PLEKHH2: variants seen among roughly 807,000 people sequenced by gnomAD.
PLEKHH2 encodes the protein pleckstrin homology domain-containing family H member 2.
Under a neutral mutation model 187.9 loss-of-function variants are expected in PLEKHH2, and 129 were observed. The ratio of observed to expected loss-of-function variants is 0.69; its 90% CI spans 0.59 to 0.79. The LOEUF (loss-of-function observed/expected upper bound fraction) is 0.79. Ranked by LOEUF, PLEKHH2 falls within the 30% of genes least tolerant of loss-of-function variation. The pLI is 0.00. For missense variants in PLEKHH2, 2,076 were observed against 1,751.2 expected (o/e 1.19, Z -3.31); for synonymous variants, 686 against 605.6 (o/e 1.13, Z -1.95).
intron 16 of PLEKHH2, among the ~76,000 whole-genome samples, chr2:43,723,706 T>A (rs1378999383): frequency 1.3e-5 from 2 of 152,214 alleles, no homozygotes; most frequent in Non-Finnish European, 2.9e-5. Context: ...AAAATAACCC[T>A]TATGCCAAAG....
chr2:43,761,556 G>A (rs1000788694), intron 27 of PLEKHH2, among the ~76,000 whole-genome samples: 10 of 151,678 alleles, frequency 6.6e-5, no homozygotes, highest in African/African-American at 1.9e-4. Context: ...GATTACAGGC[G>A]TGCACCACCA....
intron 24 of PLEKHH2, among the ~76,000 whole-genome samples, chr2:43,753,017 T>TG (rs997704842): frequency 6.6e-6 from 1 of 152,186 alleles, no homozygotes; most frequent in African/African-American, 2.4e-5. Flanking sequence ...GATGTTGATT[T>TG]GGGGGTAGTT....
In PLEKHH2 at chr2:43,741,002, G is replaced by T; in HGVS notation, c.3180G>T (p.Leu1060=). 2.5e-6 allele frequency: 4 copies of T among 1,613,992 alleles called. No individual in the cohort carries two copies. Among genetic ancestry groups the T allele is most frequent in the Non-Finnish European group, 3.4e-6 (4 of 1,179,922 alleles). Residue 1060 remains leucine, a synonymous_variant, in exon 21 of 30, where the codon CTG becomes CTT. Transcript: ENST00000282406. The stretch of plus-strand genomic sequence containing the variant: ...TCTTCCTTCCCCATCATCCTTTCCT[G>T]TGGCTCCTCAGGCTTCACCTAAAGA... ...VGLFLPHHPF[L]WLLRLHLKRN...
chr2:43,713,611 C>G (rs1257657145), intron 15 of PLEKHH2, among the ~76,000 whole-genome samples: 1 of 149,806 alleles, frequency 6.7e-6, no homozygotes, highest in Non-Finnish European at 1.5e-5. Flanking sequence ...GGAAATATAC[C>G]AAAGTATATT....
intron 3 of PLEKHH2, among the ~76,000 whole-genome samples, chr2:43,679,347 G>T (rs529660276): frequency 6.6e-6 from 1 of 151,860 alleles, no homozygotes; most frequent in East Asian, 1.9e-4. Flanking sequence ...TGTTTCTAAG[G>T]ATTTGCATTA....
chr2:43,654,630 T>A (rs1308809137), intron 2 of PLEKHH2, among the ~76,000 whole-genome samples: 1 of 147,448 alleles, frequency 6.8e-6, no homozygotes. Flanking sequence ...GTAATCCCAG[T>A]GCTTTGGAAG....
In PLEKHH2 at chr2:43,743,870, T is replaced by G. The variant is rs1305092273; in HGVS notation, c.3436T>G (p.Phe1146Val). The change falls in exon 23 of 30, where the codon TTT becomes GTT. Residue 1146 changes from phenylalanine (F) to valine (V), a missense_variant. Physicochemically the swap from Phe to Val is conservative, Grantham distance 50 (BLOSUM62 -1). Transcript: ENST00000282406. Reference protein sequence around the residue: ...GFDASTTVEEFLNTLNQDTGM... With the variant: ...GFDASTTVEEVLNTLNQDTGM... ...TGACGCATCTACCACAGTGGAAGAA[T>G]TTTTGAATACTTTGAACCAGGACAC... The G allele has an allele frequency of 3.1e-6, 5 of 1,613,924 alleles. No individual in the cohort carries two copies. Among genetic ancestry groups the G allele is most frequent in the Non-Finnish European group, 3.4e-6 (4 of 1,179,946 alleles).
intron 16 of PLEKHH2, among the ~76,000 whole-genome samples, chr2:43,723,434 C>G (rs551235957): frequency 6.6e-6 from 1 of 152,242 alleles, no homozygotes; most frequent in East Asian, 1.9e-4. Context: ...TGTGACAAGG[C>G]AAAGAGACTT....
chr2:43,738,549 G>A (rs1671409995), intron 20 of PLEKHH2, 29 bp downstream of exon 20: 2 of 1,529,906 alleles, frequency 1.3e-6, no homozygotes, highest in Admixed American at 1.9e-5. Context: ...ACATATACAT[G>A]CAATTTAAAG....
chr2:43,677,922 G>A (rs534251893), intron 2 of PLEKHH2, among the ~76,000 whole-genome samples: 1 of 43,382 alleles, frequency 2.3e-5, no homozygotes, highest in Admixed American at 1.7e-4. Flanking sequence ...CTGGCCGGGC[G>A]GGGGGCTGAT....
At chr2:43,655,110 G>A (rs1048153173) in intron 2 of PLEKHH2, among the ~76,000 whole-genome samples, 7 of 152,094 alleles carry the variant, frequency 4.6e-5, no homozygotes, top group African/African-American at 7.2e-5. Flanking sequence ...GGAGGCTGAG[G>A]CAAGAGGATC....
At chr2:43,750,539 A>G (rs1263526977) in intron 24 of PLEKHH2, among the ~76,000 whole-genome samples, 1 of 151,844 alleles carries the variant, frequency 6.6e-6, no homozygotes, top group African/African-American at 2.4e-5. Context: ...GGGGAATACT[A>G]CTACTGGTAC....
At position 43,733,153 on chromosome 2, in the gene PLEKHH2, G is replaced by A. The variant is rs191942609; in HGVS notation, c.2943+1551G>A. Among the ~76,000 whole-genome samples, 815 of 152,214 alleles carry A rather than the reference G, an allele frequency of 5.4e-3. 3 individuals are homozygous for A. Among genetic ancestry groups the A allele is most frequent in the Middle Eastern group, 0.017 (5 of 294 alleles). On this transcript the variant is annotated intron_variant, in intron 19 of 29. Coordinates refer to ENST00000282406, the MANE Select transcript of PLEKHH2 (RefSeq NM_172069.4). ...CGAGGCGGGCAGATCATGAGGTCAG[G>A]AGATCGAGACCATCCTGGCTAACAC...
At chr2:43,736,172 C>T (rs1440761802) in intron 19 of PLEKHH2, among the ~76,000 whole-genome samples, 1 of 151,914 alleles carries the variant, frequency 6.6e-6, no homozygotes, top group Non-Finnish European at 1.5e-5. Flanking sequence ...AAAGAACAAA[C>T]TAAAAAACTA....
chr2:43,743,713 A>G (rs1385581935), intron 22 of PLEKHH2, 121 bp from the exon 23 acceptor site: 9 of 963,728 alleles, frequency 9.3e-6, no homozygotes, highest in Non-Finnish European at 1.1e-5. Flanking sequence ...AAAAAGTTGA[A>G]GCACCTAGAA....
intron 2 of PLEKHH2, among the ~76,000 whole-genome samples, chr2:43,666,478 T>C (rs1667221554): frequency 1.4e-5 from 2 of 147,220 alleles, no homozygotes; most frequent in Non-Finnish European, 2.9e-5. Context: ...CTGTTCCTAT[T>C]CGGCCATCTT....
intron 1 of PLEKHH2, among the ~76,000 whole-genome samples, chr2:43,643,159 A>C (rs1285167467): frequency 3.3e-5 from 5 of 152,144 alleles, no homozygotes; most frequent in Non-Finnish European, 7.4e-5. Flanking sequence ...GTGAATCATT[A>C]ATCATAAATG....
intron 6 of PLEKHH2, 57 bp downstream of exon 6, chr2:43,695,281 A>T (rs925377022): frequency 2.0e-5 from 19 of 953,022 alleles, no homozygotes; most frequent in Non-Finnish European, 2.8e-5. Context: ...ATAGGCTTTT[A>T]CTTTTTTTGA....
At chr2:43,687,405 C>T (rs1243847108) in intron 3 of PLEKHH2, among the ~76,000 whole-genome samples, 1 of 152,132 alleles carries the variant, frequency 6.6e-6, no homozygotes, top group East Asian at 1.9e-4. Context: ...TTGATGGGCA[C>T]CTTGGTTGAT....
Sources: allele counts gnomAD v4.1 joint callset (sites outside exome capture counted in the v4.1 genomes callset), GRCh38; gene constraint gnomAD v4.1.1; transcripts MANE v1.5; gene names NCBI Gene and HGNC (gene_info 2026-07-23, HGNC 2026-07-21).